The following DLC1 variants were observed in gnomAD, a reference collection of about 807,000 sequenced individuals.
The protein encoded by DLC1 is rho GTPase-activating protein 7.
Under a neutral mutation model 140.3 loss-of-function variants are expected in DLC1, and 54 were observed. The ratio of observed to expected loss-of-function variants is 0.38; its 90% CI spans 0.31 to 0.48. The LOEUF (loss-of-function observed/expected upper bound fraction) is 0.48. Among genes scored for constraint, DLC1 ranks in the 20% least tolerant of loss-of-function variants. The probability of loss-of-function intolerance (pLI) is 0.96; values close to 1 mark genes in which losing one functional copy is unlikely to be tolerated. For synonymous variants in DLC1, 986 were observed against 728.1 expected (o/e 1.35, Z -5.70); for missense variants, 2,536 against 1,907.0 (o/e 1.33, Z -6.14).
At chr8:13,475,812 A>T (rs533547884) in intron 2 of DLC1, among the ~76,000 whole-genome samples, 3 of 152,194 alleles carry the variant, frequency 2.0e-5, no homozygotes, top group Admixed American at 2.0e-4. Context: ...TGAACTTGTG[A>T]TGGGAAGGAG....
At chr8:13,279,362 T>C (rs1831283049) in intron 5 of DLC1, among the ~76,000 whole-genome samples, 1 of 152,248 alleles carries the variant, frequency 6.6e-6, no homozygotes, top group Non-Finnish European at 1.5e-5. Flanking sequence ...GAAGCTCATT[T>C]CAGTAGGTGT....
chr8:13,425,786 A>T (rs1012074629), intron 2 of DLC1, among the ~76,000 whole-genome samples: 6 of 152,104 alleles, frequency 3.9e-5, no homozygotes, highest in African/African-American at 1.4e-4. Context: ...TAAAATTTTT[A>T]TTTTTGGGGT....
chr8:13,273,297 C>T (rs982472800), intron 5 of DLC1, among the ~76,000 whole-genome samples: 1 of 152,126 alleles, frequency 6.6e-6, no homozygotes, highest in Non-Finnish European at 1.5e-5. Context: ...CAAAGCTGTC[C>T]CCTGCATCAC....
At chr8:13,446,958 G>T (rs796793393) in intron 2 of DLC1, among the ~76,000 whole-genome samples, 3 of 151,732 alleles carry the variant, frequency 2.0e-5, no homozygotes, top group African/African-American at 7.3e-5. Context: ...AAAAAAGAAG[G>T]AAGGAATGAA....
intron 5 of DLC1, among the ~76,000 whole-genome samples, chr8:13,139,141 C>A (rs80045957): frequency 0.017 from 2,619 of 151,226 alleles, 82 homozygotes; most frequent in African/African-American, 0.061. Context: ...AATAAAAAAA[C>A]AATTAGCTGG....
At chr8:13,323,327 C>T (rs983163103) in intron 4 of DLC1, among the ~76,000 whole-genome samples, 1 of 152,058 alleles carries the variant, frequency 6.6e-6, no homozygotes. Context: ...GCATCTTATT[C>T]CCTAGGGAAT....
At chr8:13,311,146 T>C (rs2117548187) in intron 4 of DLC1, among the ~76,000 whole-genome samples, 1 of 152,306 alleles carries the variant, frequency 6.6e-6, no homozygotes, top group Non-Finnish European at 1.5e-5. Flanking sequence ...ATGTAGTATA[T>C]TTTGCAAAAT....
At chr8:13,379,236 T>C (rs1836140113) in intron 4 of DLC1, among the ~76,000 whole-genome samples, 1 of 152,218 alleles carries the variant, frequency 6.6e-6, no homozygotes. Context: ...TTTACTTGCC[T>C]GGAGTCAGCC....
chr8:13,169,878 C>A (rs1015551377), intron 5 of DLC1, among the ~76,000 whole-genome samples: 2 of 149,400 alleles, frequency 1.3e-5, no homozygotes, highest in African/African-American at 4.9e-5. Context: ...AAGCCAGATG[C>A]GGTGGCTCAT....
chr8:13,203,921 GC>G (rs1473734550), intron 5 of DLC1, among the ~76,000 whole-genome samples: 1 of 152,096 alleles, frequency 6.6e-6, no homozygotes, highest in African/African-American at 2.4e-5. Context: ...TCATTTCCCT[GC>G]CATTGCTATT....
At chr8:13,549,952 A>C (rs1431388300) in intron 1 of DLC1, among the ~76,000 whole-genome samples, 1 of 152,136 alleles carries the variant, frequency 6.6e-6, no homozygotes, top group African/African-American at 2.4e-5. Context: ...TTCATTTAGG[A>C]AATATTTGTT....
At chr8:13,378,305 C>G (rs1025548981) in intron 4 of DLC1, among the ~76,000 whole-genome samples, 5 of 151,054 alleles carry the variant, frequency 3.3e-5, no homozygotes, top group African/African-American at 1.2e-4. Flanking sequence ...GAAGAAAGTC[C>G]TTTGAAAGGC....
Position 13,499,875 on chromosome 8 carries a change from T to A in DLC1, c.197A>T (p.His66Leu). 6.2e-7 allele frequency: 1 copy of A among 1,614,118 alleles called. No homozygotes were observed. The highest frequency in any genetic ancestry group is 8.5e-7 in the Non-Finnish European group (1 of 1,179,996). ...AGGAAAATCTCTCAGCTCTGATCCATGACAGCAGTCAGGTAGTGAAACACA... is the reference window on the plus strand; with the variant it reads ...AGGAAAATCTCTCAGCTCTGATCCAAGACAGCAGTCAGGTAGTGAAACACA... ...EKCVSLPDCC[H>L]GSELRDFPGR... The change falls in exon 2 of 18, where the codon CAT becomes CTT. Residue 66 changes from histidine (H) to leucine (L), a missense_variant. Physicochemically the swap from His to Leu is moderately conservative, Grantham distance 99. Transcript: ENST00000276297.
At chr8:13,155,132 C>CT (rs34191257) in intron 5 of DLC1, among the ~76,000 whole-genome samples, 22,462 of 145,070 alleles carry the variant, frequency 0.15, 1,825 homozygotes, top group Non-Finnish European at 0.18. Context: ...ACTTGCGCTG[C>CT]TTTTTTTTTT....
At chr8:13,448,678 A>G (rs1798909471) in intron 2 of DLC1, among the ~76,000 whole-genome samples, 1 of 152,110 alleles carries the variant, frequency 6.6e-6, no homozygotes, top group Admixed American at 6.6e-5. Flanking sequence ...TTCTTTTAAG[A>G]ATAGTGTCTA....
intron 14 of DLC1, 48 bp from the exon 15 acceptor site, chr8:13,090,518 A>C (rs777923122): frequency 8.8e-6 from 14 of 1,598,068 alleles, no homozygotes; most frequent in East Asian, 2.2e-5. Flanking sequence ...ACCTGTACTC[A>C]ATCTCAATGC....
At chr8:13,391,045 G>T (rs903856685) in intron 4 of DLC1, among the ~76,000 whole-genome samples, 1 of 151,574 alleles carries the variant, frequency 6.6e-6, no homozygotes, top group African/African-American at 2.4e-5. Context: ...CTTATTATTG[G>T]CCATTTAAAG....
At chr8:13,275,128 C>G (rs764437234) in intron 5 of DLC1, among the ~76,000 whole-genome samples, 10 of 152,186 alleles carry the variant, frequency 6.6e-5, no homozygotes, top group African/African-American at 2.4e-4. Flanking sequence ...CTCCGTCAGT[C>G]CTGGGGAATA....
At chr8:13,591,073 G>A (rs1805499436) in intron 1 of DLC1, among the ~76,000 whole-genome samples, 1 of 152,188 alleles carries the variant, frequency 6.6e-6, no homozygotes, top group Admixed American at 6.5e-5. Context: ...TAGAGAAAAA[G>A]AAACAGGTCA....
Sources: allele counts gnomAD v4.1 joint callset (sites outside exome capture counted in the v4.1 genomes callset), GRCh38; gene constraint gnomAD v4.1.1; transcripts MANE v1.5; gene names NCBI Gene and HGNC (gene_info 2026-07-23, HGNC 2026-07-21).